The following GPR39 variants were observed in gnomAD, a reference collection of about 807,000 sequenced individuals.
The protein encoded by GPR39 is zinc sensing receptor.
Under a neutral mutation model 18.4 loss-of-function variants are expected in GPR39, and 23 were observed. That is an observed-to-expected ratio of 1.25 (90% CI 0.90 to 1.77). The LOEUF (loss-of-function observed/expected upper bound fraction) is 1.77, where lower values mean the gene tolerates loss of function less well. Ranked by LOEUF, GPR39 falls within the 40% of genes most tolerant of loss-of-function variation. The pLI, the probability that GPR39 is intolerant of heterozygous loss-of-function variation, is 0.00. For synonymous variants in GPR39, 280 were observed against 257.9 expected, an observed-to-expected ratio of 1.09 and a Z score of -0.82; for missense variants, 647 against 602.4, an observed-to-expected ratio of 1.07 and a Z score of -0.78.
intron 1 of GPR39, among the ~76,000 whole-genome samples, chr2:132,592,565 T>C (rs1347689950): frequency 6.6e-6 from 1 of 152,082 alleles, no homozygotes; most frequent in Non-Finnish European, 1.5e-5. Context: ...TGGGAGGGCT[T>C]GAGCTGAGGA....
intron 1 of GPR39, among the ~76,000 whole-genome samples, chr2:132,492,003 TTA>T (rs547782847): frequency 2.2e-4 from 33 of 151,040 alleles, no homozygotes; most frequent in Non-Finnish European, 4.1e-4. Context: ...GATAAAGTAA[TTA>T]TATATATATA....
intron 1 of GPR39, among the ~76,000 whole-genome samples, chr2:132,551,861 C>T (rs561409577): frequency 2.3e-4 from 35 of 152,214 alleles, no homozygotes; most frequent in East Asian, 7.7e-4. Context: ...TTAAGTCAAA[C>T]GGCAAAACAC....
At chr2:132,434,190 G>T (rs1459832106) in intron 1 of GPR39, among the ~76,000 whole-genome samples, 1 of 152,142 alleles carries the variant, frequency 6.6e-6, no homozygotes, top group Non-Finnish European at 1.5e-5. Flanking sequence ...GTAAGAAAGA[G>T]AAGTGAGCAT....
At chr2:132,417,976 C>A (rs779311229) in intron 1 of GPR39, 78 bp downstream of exon 1, 68 of 1,488,134 alleles carry the variant, frequency 4.6e-5, no homozygotes, top group Non-Finnish European at 6.0e-5. Flanking sequence ...CTGTGGCCCT[C>A]TCCAGGGCAA....
At chr2:132,510,694 G>C (rs1208391281) in intron 1 of GPR39, among the ~76,000 whole-genome samples, 3 of 152,078 alleles carry the variant, frequency 2.0e-5, no homozygotes, top group African/African-American at 7.2e-5. Context: ...AGCTCTTTTT[G>C]TTCATGGTTC....
intron 1 of GPR39, among the ~76,000 whole-genome samples, chr2:132,631,365 A>ACCAG (rs1681647363): frequency 2.0e-5 from 3 of 152,184 alleles, no homozygotes; most frequent in Admixed American, 1.3e-4. Context: ...AGAAAAGCCC[A>ACCAG]CCAGGAGGGA....
At chr2:132,626,226 A>T (rs1469414323) in intron 1 of GPR39, among the ~76,000 whole-genome samples, 1 of 152,236 alleles carries the variant, frequency 6.6e-6, no homozygotes, top group African/African-American at 2.4e-5. Context: ...CTCCAAAGGC[A>T]TCTTCACAAG....
intron 1 of GPR39, among the ~76,000 whole-genome samples, chr2:132,591,711 G>A (rs1459799234): frequency 6.6e-6 from 1 of 152,194 alleles, no homozygotes; most frequent in Non-Finnish European, 1.5e-5. Context: ...CATCTATTAT[G>A]CAGATCCCAG....
intron 1 of GPR39, among the ~76,000 whole-genome samples, chr2:132,595,411 G>GT (rs993637147): frequency 1.3e-5 from 2 of 152,054 alleles, no homozygotes; most frequent in African/African-American, 4.8e-5. Context: ...GCCTAATTTT[G>GT]TTTTTTTCAA....
At chr2:132,525,652 A>G (rs1351244936) in intron 1 of GPR39, among the ~76,000 whole-genome samples, 1 of 152,208 alleles carries the variant, frequency 6.6e-6, no homozygotes, top group African/African-American at 2.4e-5. Context: ...AGGTGGAGGA[A>G]TGGGACTTCC....
intron 1 of GPR39, among the ~76,000 whole-genome samples, chr2:132,579,008 GT>G (rs1458431970): frequency 6.6e-6 from 1 of 150,952 alleles, no homozygotes; most frequent in Non-Finnish European, 1.5e-5. Flanking sequence ...CCCTTTCATG[GT>G]TTTTTTCTCT....
In GPR39 at chr2:132,645,998, C is replaced by G. The variant is rs182316747; in HGVS notation, c.*392C>G. 1 of 1,403,024 alleles carries G rather than the reference C, an allele frequency of 7.1e-7. No homozygotes were observed. The highest frequency in any genetic ancestry group is 1.5e-5 in the African/African-American group (1 of 68,744). 86.9% of individuals were successfully genotyped at this position (1,403,024 alleles called of 1,614,324 possible). A position where few individuals can be genotyped will look rare whatever the true frequency, so the allele number is the denominator to read the frequency against. Reference sequence around the variant, plus strand: ...ACTCAGGGAGGTGGGGGGTTGGGGGCGAGGGCTGGAAGAACAATGCAGGAG... The same window carrying G: ...ACTCAGGGAGGTGGGGGGTTGGGGGGGAGGGCTGGAAGAACAATGCAGGAG... On this transcript the variant is annotated 3_prime_UTR_variant, in exon 2 of 2. Transcript: ENST00000329321.
chr2:132,633,931 T>C (rs1350757669), intron 1 of GPR39, among the ~76,000 whole-genome samples: 2 of 143,962 alleles, frequency 1.4e-5, no homozygotes, highest in African/African-American at 5.9e-5. Context: ...GGTAGCAGTG[T>C]TATTAGTGTT....
chr2:132,541,217 G>A (rs991683166), intron 1 of GPR39, among the ~76,000 whole-genome samples: 5 of 152,076 alleles, frequency 3.3e-5, no homozygotes, highest in Middle Eastern at 3.2e-3. Context: ...CCCAGTAGCC[G>A]AAATTATAGG....
chr2:132,515,815 C>G (rs1007956361), intron 1 of GPR39, among the ~76,000 whole-genome samples: 4 of 152,152 alleles, frequency 2.6e-5, no homozygotes, highest in Non-Finnish European at 5.9e-5. Flanking sequence ...TCAGACTAAA[C>G]AGGGCTTGCT....
At chr2:132,480,462 A>G (rs948980826) in intron 1 of GPR39, among the ~76,000 whole-genome samples, 2 of 152,190 alleles carry the variant, frequency 1.3e-5, no homozygotes, top group Non-Finnish European at 2.9e-5. Context: ...ATACAGCGGC[A>G]TGGTATGAAT....
intron 1 of GPR39, among the ~76,000 whole-genome samples, chr2:132,469,952 A>G (rs1681000891): frequency 6.6e-6 from 1 of 152,220 alleles, no homozygotes; most frequent in African/African-American, 2.4e-5. Flanking sequence ...AGGAGTTGGC[A>G]AAAGTCTGTG....
Position 132,497,882 on chromosome 2 carries a change from A to G in GPR39, c.856+79984A>G, listed in dbSNP as rs992063458. Among the ~76,000 whole-genome samples the G allele has an allele frequency of 3.9e-5, 6 of 152,274 alleles. No homozygotes were observed. The East Asian group carries it at 7.7e-4, about 20-fold the overall frequency. The stretch of plus-strand genomic sequence containing the variant: ...AAGGGCTCAGCAGTCTCCAGAGAAT[A>G]TATTACCAAAGATTCCTCTATGACT... On this transcript the variant is annotated intron_variant, in intron 1 of 1. Transcript: ENST00000329321.
intron 1 of GPR39, among the ~76,000 whole-genome samples, chr2:132,634,396 C>T (rs1681711818): frequency 6.6e-6 from 1 of 152,084 alleles, no homozygotes; most frequent in Non-Finnish European, 1.5e-5. Flanking sequence ...GGAACTGTTC[C>T]AGTCAGGTAG....
Sources: gnomAD v4.1 joint callset for allele counts (sites outside exome capture counted in the v4.1 genomes callset) on GRCh38, gnomAD v4.1.1 for gene constraint, MANE v1.5 for transcripts, NCBI Gene and HGNC (gene_info 2026-07-23, HGNC 2026-07-21) for gene names.